The following MRC2 variants were observed in gnomAD, a reference collection of about 807,000 sequenced individuals.
MRC2 encodes C-type mannose receptor 2.
In MRC2, 84 loss-of-function variants were observed where a neutral mutation model predicts 206.2. That is an observed-to-expected ratio of 0.41 (90% CI 0.34 to 0.49). MRC2 has a LOEUF of 0.49. Among genes scored for constraint, MRC2 ranks in the 20% least tolerant of loss-of-function variants. The pLI is 0.31. For synonymous variants in MRC2, 798 were observed against 800.0 expected (o/e 1.00, Z 0.04); for missense variants, 1,676 against 2,001.5 (o/e 0.84, Z 3.10).
intron 1 of MRC2, among the ~76,000 whole-genome samples, chr17:62,649,349 G>C (rs1467047146): frequency 2.0e-5 from 3 of 152,248 alleles, no homozygotes; most frequent in Non-Finnish European, 4.4e-5. Flanking sequence ...CCAGCACTTT[G>C]GGAGGCTGAG....
rs775401467 is a variant in MRC2 at position 62,691,079 on chromosome 17, C to A, written c.4143C>A (p.Pro1381=). 8 of 1,609,656 alleles carry A rather than the reference C, an allele frequency of 5.0e-6. No individual in the cohort carries two copies. In the East Asian group the frequency reaches 1.3e-4, roughly 27 times the overall value. Residue 1381 remains proline, a synonymous_variant, in exon 28 of 30, where the codon CCC becomes CCA. Coordinates refer to ENST00000303375, the MANE Select transcript of MRC2 (RefSeq NM_006039.5). Reference sequence around the variant, plus strand: ...AGAGCAACAGCGGGCTATGGCGCCCCGGCGCTTGCACCAACATCACCATGG... The same window carrying A: ...AGAGCAACAGCGGGCTATGGCGCCCAGGCGCTTGCACCAACATCACCATGG... The part of the protein sequence containing the change: ...WIQSNSGLWR[P]GACTNITMGV...
chr17:62,662,158 A>G (rs931609055), intron 1 of MRC2, among the ~76,000 whole-genome samples: 1 of 151,964 alleles, frequency 6.6e-6, no homozygotes, highest in African/African-American at 2.4e-5. Flanking sequence ...GCTGAGACAG[A>G]AGAATCGCTT....
intron 1 of MRC2, among the ~76,000 whole-genome samples, chr17:62,632,306 C>A (rs1425736984): frequency 3.9e-5 from 6 of 152,120 alleles, no homozygotes; most frequent in African/African-American, 9.7e-5. Context: ...GGTTGTTTCC[C>A]TTCTTGCACT....
At chr17:62,661,888 T>C (rs1341728089) in intron 1 of MRC2, among the ~76,000 whole-genome samples, 2 of 152,232 alleles carry the variant, frequency 1.3e-5, no homozygotes, top group Non-Finnish European at 2.9e-5. Flanking sequence ...TCATCAGTGT[T>C]GTCTATGACC....
At chr17:62,642,500 G>A (rs1568050637) in intron 1 of MRC2, among the ~76,000 whole-genome samples, 1 of 152,180 alleles carries the variant, frequency 6.6e-6, no homozygotes, top group Non-Finnish European at 1.5e-5. Context: ...AGGCTGGAGT[G>A]CAGCAGCACG....
In MRC2 at chr17:62,667,524, A is replaced by C. The variant is rs1357486155; in HGVS notation, c.1108A>C (p.Thr370Pro). 1.2e-6 allele frequency: 2 copies of C among 1,609,684 alleles called. No homozygotes were observed. Among genetic ancestry groups the C allele is most frequent in the East Asian group, 2.2e-5 (1 of 44,566 alleles). The stretch of plus-strand genomic sequence containing the variant: ...GAAGCCCAACGCCACGGCCGAGCCC[A>C]CCCCTCCAGGTGAGCCAGGGACTGT... ...KKKPNATAEP[T>P]PPDRWANVKV... The change falls in exon 6 of 30, where the codon ACC becomes CCC. Residue 370 changes from threonine to proline, a missense_variant. By Grantham distance (38) the Thr-to-Pro change is conservative. This residue lies in a region of MRC2 where 1,354 missense variants were observed against 1,636.6 expected (regional missense o/e 0.83). Coordinates refer to ENST00000303375, the MANE Select transcript of MRC2 (RefSeq NM_006039.5). This position sits in a 1 kb window ranked among gnomAD's most constrained non-coding sequence, Gnocchi z 4.1.
At chr17:62,661,850 T>C (rs1050006915) in intron 1 of MRC2, 2 of 152,212 alleles carry the variant, frequency 1.3e-5, no homozygotes, top group South Asian at 4.1e-4. Flanking sequence ...AATCTTTTTA[T>C]GGGAAAAAAG....
intron 1 of MRC2, among the ~76,000 whole-genome samples, chr17:62,644,096 G>A (rs930675829): frequency 1.3e-5 from 2 of 152,108 alleles, no homozygotes; most frequent in African/African-American, 4.8e-5. Context: ...TTTAACAGGG[G>A]TGATTGTAGA....
At chr17:62,670,600 G>T (rs968038051) in intron 6 of MRC2, among the ~76,000 whole-genome samples, 3 of 152,250 alleles carry the variant, frequency 2.0e-5, no homozygotes, top group Admixed American at 6.5e-5. Flanking sequence ...GGGCTTGTTT[G>T]CCTCAGCTGC....
intron 23 of MRC2, 74 bp downstream of exon 23, chr17:62,689,034 A>G (rs998315882): frequency 1.6e-6 from 2 of 1,216,880 alleles, no homozygotes; most frequent in Non-Finnish European, 2.4e-6. Flanking sequence ...CCATGCCAGG[A>G]GGAAGGAATC....
rs536440069 is a variant in MRC2 at position 62,657,634 on chromosome 17, T to TG, written c.119-6908dup. ...ATGCTCCCATGCATATGGATGAGGC[T>TG]GGGGGGTGGGTGAGGCTGGAGGGGC... is the stretch of plus-strand genomic sequence containing the variant. On this transcript the variant is annotated intron_variant, in intron 1 of 29. Transcript: ENST00000303375. 4.8e-3 allele frequency among the ~76,000 whole-genome samples: 347 copies of TG among 72,050 alleles called. 2 individuals carry two copies. Among genetic ancestry groups the TG allele is most frequent in the African/African-American group, 0.018 (332 of 18,150 alleles). The allele number at this position is 72,050 out of a possible 152,430, so 47.3% of individuals were successfully genotyped here. A position where few individuals can be genotyped will look rare whatever the true frequency, so the allele number is the denominator to read the frequency against.
At position 62,666,695 on chromosome 17, in the gene MRC2, G is replaced by A. The variant is rs1471108688; in HGVS notation, c.860-62G>A. 16 of 1,461,070 alleles carry A rather than the reference G, an allele frequency of 1.1e-5. No individual in the cohort carries two copies. Among genetic ancestry groups the A allele is most frequent in the Middle Eastern group, 1.8e-4 (1 of 5,656 alleles). 90.5% of individuals were successfully genotyped at this position (1,461,070 alleles called of 1,614,324 possible). A position where few individuals can be genotyped will look rare whatever the true frequency, so the allele number is the denominator to read the frequency against. ...TCCGCTTGTGGGTTGGGGAGAGGGC[G>A]ATGGGGAGCGGGGGAGGCTGGGGCT... On this transcript the variant is annotated intron_variant, in intron 4 of 29. Coordinates refer to ENST00000303375, the MANE Select transcript of MRC2 (RefSeq NM_006039.5). The surrounding 1 kb of genome is among the most constrained non-coding windows in gnomAD (Gnocchi z 5.0).
rs1181039417 is a variant in MRC2 at position 62,666,629 on chromosome 17, G to A, written c.859+10G>A. ...CAGACCTACATCAACGGTGAGCCGG[G>A]GCCTGATGCCTGCTCGTGCCTCTGG... is the stretch of plus-strand genomic sequence containing the variant. On this transcript the variant is annotated intron_variant, in intron 4 of 29. Coordinates refer to ENST00000303375, the MANE Select transcript of MRC2 (RefSeq NM_006039.5). The surrounding 1 kb of genome is among the most constrained non-coding windows in gnomAD (Gnocchi z 5.0). 1 of 1,563,140 alleles carries A rather than the reference G, an allele frequency of 6.4e-7. No homozygotes were observed. The highest frequency in any genetic ancestry group is 1.2e-5 in the South Asian group (1 of 83,310).
At chr17:62,642,221 C>T (rs2088414509) in intron 1 of MRC2, among the ~76,000 whole-genome samples, 1 of 152,106 alleles carries the variant, frequency 6.6e-6, no homozygotes, top group African/African-American at 2.4e-5. Flanking sequence ...CTTTTATCGG[C>T]ATTGCATTTT....
Position 62,627,760 on chromosome 17 carries a change from G to T in MRC2, c.-43G>T. 3 of 1,347,710 alleles carry T rather than the reference G, an allele frequency of 2.2e-6. No homozygotes were observed. The highest frequency in any genetic ancestry group is 1.8e-5 in the South Asian group (1 of 56,814). The allele number at this position is 1,347,710 out of a possible 1,614,324, so 83.5% of individuals were successfully genotyped here. ...GGGGCTGCCACAGCGCGTTGCGCCT[G>T]TGCGCCCTCGGTCCCCGCGTCCACT... On this transcript the variant is annotated 5_prime_UTR_variant, in exon 1 of 30. Transcript: ENST00000303375.
chr17:62,677,620 C>T, intron 12 of MRC2, 134 bp downstream of exon 12: 1 of 754,508 alleles, frequency 1.3e-6, no homozygotes, highest in Non-Finnish European at 2.1e-6. Context: ...TCTGGTGAGA[C>T]TTGTCCATGG....
chr17:62,645,527 ATTTTTTTTTTTTTTT>A (rs1164231785), intron 1 of MRC2, among the ~76,000 whole-genome samples: 3 of 39,542 alleles, frequency 7.6e-5, no homozygotes, highest in Admixed American at 4.5e-4. Context: ...ATATATATAT[ATTTTTTTTTTTTTTT>A]TTTTTTTTTG....
At chr17:62,628,076 TTCTGAAAGCGGGGGAGGAGAG>T (rs2084184203) in intron 1 of MRC2, among the ~76,000 whole-genome samples, 156 bp downstream of exon 1, 1 of 152,068 alleles carries the variant, frequency 6.6e-6, no homozygotes, top group Non-Finnish European at 1.5e-5. Flanking sequence ...GTCTCCGCTT[TTCTGAAAGCGGGGGAGGAGAG>T]GGGAGGAGGA....
rs749377691 is a variant in MRC2, at chr17:62,692,092, C to T, written c.4193-20C>T. 3 of 1,614,208 alleles carry T rather than the reference C, an allele frequency of 1.9e-6. No homozygotes were observed. Among genetic ancestry groups the T allele is most frequent in the East Asian group, 2.2e-5 (1 of 44,890 alleles). ...GATGATCACTGCTATTATTAACTGG[C>T]CCCCTCCTCTTGCCCACAGCTGAGC... is the stretch of plus-strand genomic sequence containing the variant. On this transcript the variant is annotated intron_variant, in intron 28 of 29. Transcript: ENST00000303375. This position sits in a 1 kb window ranked among gnomAD's most constrained non-coding sequence, Gnocchi z 4.2.
Sources: allele counts gnomAD v4.1 joint callset (sites outside exome capture counted in the v4.1 genomes callset), GRCh38; gene constraint gnomAD v4.1.1; regional missense constraint gnomAD v4.1.1; non-coding constraint Gnocchi (gnomAD v3.1); transcripts MANE v1.5; gene names NCBI Gene and HGNC (gene_info 2026-07-23, HGNC 2026-07-21).